Variants in BIRC6 observed in about 807,000 individuals in gnomAD.
The protein encoded by BIRC6 is dual E2 ubiquitin-conjugating enzyme/E3 ubiquitin-protein ligase BIRC6.
BIRC6 carries 98 observed loss-of-function variants against 503.3 expected under a neutral mutation model. The observed-to-expected ratio is 0.19, with a 90% confidence interval of 0.17 to 0.23. The LOEUF (loss-of-function observed/expected upper bound fraction) is 0.23, where lower values mean the gene tolerates loss of function less well. BIRC6 is among the 10% of genes least tolerant of loss of function. The probability of loss-of-function intolerance (pLI) is 1.00; values close to 1 mark genes in which losing one functional copy is unlikely to be tolerated. For synonymous variants in BIRC6, 2,240 were observed against 2,078.7 expected (o/e 1.08, Z -2.11); for missense variants, 5,360 against 5,806.0 (o/e 0.92, Z 2.50).
At chr2:32,444,031 G>GTTTTTTTTTTTTTTTTT (rs776568064) in intron 20 of BIRC6, among the ~76,000 whole-genome samples, 2 of 136,884 alleles carry the variant, frequency 1.5e-5, no homozygotes, top group African/African-American at 5.5e-5. Flanking sequence ...GGGACCAGTG[G>GTTTTTTTTTTTTTTTTT]TTTTTTTTTT....
intron 23 of BIRC6, among the ~76,000 whole-genome samples, chr2:32,455,088 A>G (rs2047094668): frequency 6.6e-6 from 1 of 152,082 alleles, no homozygotes; most frequent in Non-Finnish European, 1.5e-5. Context: ...ATTGAAATTA[A>G]TTATCCTGGG....
Position 32,468,003 on chromosome 2 carries a change from T to G in BIRC6, c.5672T>G (p.Leu1891Arg). Reference protein sequence around the residue: ...HTYILPWESELKLMHDPLKGE... With the variant: ...HTYILPWESERKLMHDPLKGE... The stretch of plus-strand genomic sequence containing the variant: ...TACATCTTGCCTTGGGAAAGTGAAC[T>G]GAAGTTAATGCATGATCCTCTAAAG... Residue 1891 changes from leucine (L) to arginine (R), a missense_variant, in exon 28 of 74, where the codon CTG becomes CGG. Coordinates refer to ENST00000421745, the MANE Select transcript of BIRC6 (RefSeq NM_016252.4). 6.2e-7 allele frequency: 1 copy of G among 1,613,812 alleles called. No individual in the cohort carries two copies. The highest frequency in any genetic ancestry group is 8.5e-7 in the Non-Finnish European group (1 of 1,179,824).
chr2:32,479,360 C>T (rs2050126317), intron 36 of BIRC6, 102 bp from the exon 37 acceptor site: 8 of 1,106,544 alleles, frequency 7.2e-6, no homozygotes, highest in Non-Finnish European at 1.0e-5. Context: ...GTTAGTAGAG[C>T]ATTTATTCTG....
chr2:32,535,665 A>G (rs1028988849), intron 61 of BIRC6, among the ~76,000 whole-genome samples: 3 of 152,212 alleles, frequency 2.0e-5, no homozygotes, highest in Non-Finnish European at 4.4e-5. Context: ...ATAGTATTCC[A>G]TGGTGTATAT....
intron 21 of BIRC6, among the ~76,000 whole-genome samples, chr2:32,446,738 GTTTTTTTTTTTTTTTTTTTT>G (rs58232090): frequency 8.6e-5 from 3 of 34,836 alleles, no homozygotes; most frequent in African/African-American, 1.2e-4. Flanking sequence ...CCTCTGCGCT[GTTTTTTTTTTTTTTTTTTTT>G]TTTTTTTTTT....
intron 44 of BIRC6, among the ~76,000 whole-genome samples, chr2:32,493,158 T>G (rs2149355619): frequency 6.6e-6 from 1 of 152,100 alleles, no homozygotes; most frequent in South Asian, 2.1e-4. Flanking sequence ...GCTCCTGAGT[T>G]ATTTGATTTT....
intron 66 of BIRC6, among the ~76,000 whole-genome samples, chr2:32,581,497 C>T (rs956047971): frequency 6.6e-6 from 1 of 151,906 alleles, no homozygotes; most frequent in Non-Finnish European, 1.5e-5. Context: ...TTTTTTTCTA[C>T]TTAGAATTTT....
At chr2:32,615,672 T>TG (rs2063180645) in intron 73 of BIRC6, among the ~76,000 whole-genome samples, 1 of 152,132 alleles carries the variant, frequency 6.6e-6, no homozygotes, top group Non-Finnish European at 1.5e-5. Flanking sequence ...CTCGCTCTGC[T>TG]GCCAGGCTGG....
At chr2:32,396,027 TTAAA>T (rs1423761612) in intron 6 of BIRC6, among the ~76,000 whole-genome samples, 1 of 152,174 alleles carries the variant, frequency 6.6e-6, no homozygotes, top group Admixed American at 6.5e-5. Flanking sequence ...TAGAACCTGG[TTAAA>T]CATTAGAGAT....
rs755267075 is a variant in BIRC6, at chr2:32,593,930, T to C, written c.13371T>C (p.Asn4457=). 3.7e-6 allele frequency: 6 copies of C among 1,610,854 alleles called. No individual in the cohort carries two copies. The highest frequency in any genetic ancestry group is 5.1e-6 in the Non-Finnish European group (6 of 1,179,096). The change falls in exon 67 of 74, where the codon AAT becomes AAC. Residue 4457 remains asparagine (N), a synonymous_variant. Coordinates refer to ENST00000421745, the MANE Select transcript of BIRC6 (RefSeq NM_016252.4). ...AAAAATTCAGATCTAAAAGGGAAAA[T>C]GTTAAAACAGGAGTAAAACCAGATG... ...YTNRLRSKRE[N]VKTGVKPDAS...
chr2:32,455,824 A>G (rs937590086), intron 23 of BIRC6, among the ~76,000 whole-genome samples: 1 of 152,176 alleles, frequency 6.6e-6, no homozygotes, highest in African/African-American at 2.4e-5. Flanking sequence ...GTCTGTGTAT[A>G]TATATGCCAT....
At chr2:32,497,470 C>T (rs1407540564) in intron 45 of BIRC6, among the ~76,000 whole-genome samples, 1 of 152,176 alleles carries the variant, frequency 6.6e-6, no homozygotes, top group Non-Finnish European at 1.5e-5. Context: ...TATTTGGTAG[C>T]ATTTGCCATT....
chr2:32,417,941 G>A (rs1381359007), intron 10 of BIRC6, among the ~76,000 whole-genome samples: 1 of 152,022 alleles, frequency 6.6e-6, no homozygotes, highest in East Asian at 1.9e-4. Flanking sequence ...CACCACACTT[G>A]GCTAATTTTT....
At chr2:32,497,500 GT>G (rs1454670287) in intron 45 of BIRC6, among the ~76,000 whole-genome samples, 1 of 152,274 alleles carries the variant, frequency 6.6e-6, no homozygotes, top group East Asian at 1.9e-4. Flanking sequence ...TGTGGCTAGA[GT>G]TTTCTTTGCC....
intron 23 of BIRC6, among the ~76,000 whole-genome samples, chr2:32,461,062 C>CTTCTCTTCTCTTCTCTTCTCTTCTG (rs2047885705): frequency 1.9e-5 from 1 of 52,538 alleles, no homozygotes; most frequent in African/African-American, 6.0e-5. Context: ...CTTCTCTTCT[C>CTTCTCTTCTCTTCTCTTCTCTTCTG]TTCTGTTCTC....
At chr2:32,474,776 A>G (rs1422236679) in intron 33 of BIRC6, among the ~76,000 whole-genome samples, 1 of 152,210 alleles carries the variant, frequency 6.6e-6, no homozygotes, top group Non-Finnish European at 1.5e-5. Context: ...AACTTTGGAA[A>G]TTATTTTCTG....
At chr2:32,550,219 C>T (rs1488920956) in intron 65 of BIRC6, among the ~76,000 whole-genome samples, 1 of 152,014 alleles carries the variant, frequency 6.6e-6, no homozygotes, top group Non-Finnish European at 1.5e-5. Flanking sequence ...ATGTATATTT[C>T]ATTAATTTAT....
In BIRC6 at chr2:32,548,634, T is replaced by A. The variant is rs1214998477; in HGVS notation, c.12975+620T>A. 6 of 151,966 alleles carry A rather than the reference T, an allele frequency of 3.9e-5. No individual in the cohort carries two copies. In the East Asian group the frequency reaches 1.2e-3, roughly 29 times the overall value. 9.4% of individuals were successfully genotyped at this position (151,966 alleles called of 1,614,324 possible). On this transcript the variant is annotated intron_variant, in intron 64 of 73. Coordinates refer to ENST00000421745, the MANE Select transcript of BIRC6 (RefSeq NM_016252.4). ...TGCCTCTACTAATAAATAGAAAGATTAGCTGGGCTTGGTGGCACATGCCTG... is the reference window on the plus strand; with the variant it reads ...TGCCTCTACTAATAAATAGAAAGATAAGCTGGGCTTGGTGGCACATGCCTG...
At chr2:32,501,182 C>T (rs1389287153) in intron 46 of BIRC6, among the ~76,000 whole-genome samples, 1 of 152,050 alleles carries the variant, frequency 6.6e-6, no homozygotes, top group Non-Finnish European at 1.5e-5. Context: ...AAATCCTTTT[C>T]TAATATATTT....
Sources: gnomAD v4.1 joint callset for allele counts (sites outside exome capture counted in the v4.1 genomes callset) on GRCh38, gnomAD v4.1.1 for gene constraint, MANE v1.5 for transcripts, NCBI Gene and HGNC (gene_info 2026-07-23, HGNC 2026-07-21) for gene names.